Variants in NME8 observed in about 807,000 individuals in gnomAD.
The protein encoded by NME8 is NME/NM23 family member 8.
NME8 carries 72 observed loss-of-function variants against 82.3 expected under a neutral mutation model. The observed-to-expected ratio is 0.87, with a 90% confidence interval of 0.72 to 1.06. The LOEUF (loss-of-function observed/expected upper bound fraction) is 1.06. Among genes scored for constraint, NME8 ranks in the 50% least tolerant of loss-of-function variants. The pLI, the probability that NME8 is intolerant of heterozygous loss-of-function variation, is 0.00. For missense variants in NME8, 712 were observed against 685.4 expected (o/e 1.04, Z -0.43); for synonymous variants, 267 against 228.5 (o/e 1.17, Z -1.52).
At chr7:37,875,160 C>CA (rs1784828247) in intron 11 of NME8, among the ~76,000 whole-genome samples, 2 of 152,014 alleles carry the variant, frequency 1.3e-5, no homozygotes, top group Non-Finnish European at 2.9e-5. Context: ...TCATGAAAGA[C>CA]AAAAGAGGTT....
chr7:37,854,529 C>T (rs902297891), intron 5 of NME8, among the ~76,000 whole-genome samples: 1 of 152,146 alleles, frequency 6.6e-6, no homozygotes, highest in African/African-American at 2.4e-5. Context: ...TGGTACCAAT[C>T]CTTCTTCCAC....
At chr7:37,864,893 A>G (rs1443165280) in intron 9 of NME8, among the ~76,000 whole-genome samples, 1 of 152,106 alleles carries the variant, frequency 6.6e-6, no homozygotes, top group African/African-American at 2.4e-5. Context: ...ATCTCATGAG[A>G]CTCATTCACT....
At position 37,876,902 on chromosome 7, in the gene NME8, G is replaced by T; in HGVS notation, c.889G>T (p.Ala297Ser). The change falls in exon 12 of 18, where the codon GCT becomes TCT. Residue 297 changes from alanine (A) to serine (S), a missense_variant. Ala to Ser is a moderately conservative substitution (Grantham distance 99). Coordinates refer to ENST00000199447, the MANE Select transcript of NME8 (RefSeq NM_016616.5). Reference protein sequence around the residue: ...CDIEEDAANVAKFMDAFFPDF... With the variant: ...CDIEEDAANVSKFMDAFFPDF... ...CATTGAAGAGGATGCAGCTAATGTTGCTAAGTTCATGGATGCTTTCTTCCC... is the reference window on the plus strand; with the variant it reads ...CATTGAAGAGGATGCAGCTAATGTTTCTAAGTTCATGGATGCTTTCTTCCC... The T allele has an allele frequency of 1.2e-6, 2 of 1,612,818 alleles. No individual in the cohort carries two copies. Among genetic ancestry groups the T allele is most frequent in the Non-Finnish European group, 1.7e-6 (2 of 1,179,150 alleles).
At position 37,865,665 on chromosome 7, in the gene NME8, G is replaced by T. The variant is rs137894138; in HGVS notation, c.621+48G>T. 3,895 of 1,233,020 alleles carry T rather than the reference G, an allele frequency of 3.2e-3. 88 individuals are homozygous for T. In the South Asian group the frequency reaches 0.036, roughly 12 times the overall value. 76.4% of individuals were successfully genotyped at this position (1,233,020 alleles called of 1,614,324 possible). ...ATCCTCTATGTGTTTAAATACAGTG[G>T]CCTCCATAAGCTTTAAATCTTTATT... On this transcript the variant is annotated intron_variant, in intron 10 of 17. Coordinates refer to ENST00000199447, the MANE Select transcript of NME8 (RefSeq NM_016616.5).
At chr7:37,883,712 T>A (rs1411856210) in intron 12 of NME8, among the ~76,000 whole-genome samples, 1 of 152,174 alleles carries the variant, frequency 6.6e-6, no homozygotes, top group African/African-American at 2.4e-5. Flanking sequence ...GTATTTCCTA[T>A]AAATATCATT....
At position 37,897,047 on chromosome 7, in the gene NME8, A is replaced by G; in HGVS notation, c.1722A>G (p.Ala574=). ...IVHGASNAYE[A]KEVVNRLFED... ...ATGGAGCATCTAACGCCTATGAAGC[A>G]AAAGAGGTTGTTAATAGACTCTTTG... Residue 574 remains alanine (A), a synonymous_variant, in exon 17 of 18, where the codon GCA becomes GCG. Transcript: ENST00000199447. 6.2e-7 allele frequency: 1 copy of G among 1,613,934 alleles called. No homozygotes were observed. The highest frequency in any genetic ancestry group is 8.5e-7 in the Non-Finnish European group (1 of 1,179,874).
intron 11 of NME8, among the ~76,000 whole-genome samples, chr7:37,871,348 C>A (rs966285388): frequency 6.6e-6 from 1 of 152,202 alleles, no homozygotes; most frequent in African/African-American, 2.4e-5. Context: ...CATTCACATT[C>A]CAGCTTCTTT....
intron 5 of NME8, among the ~76,000 whole-genome samples, chr7:37,852,711 C>G: frequency 6.6e-6 from 1 of 152,070 alleles, no homozygotes; most frequent in East Asian, 1.9e-4. Flanking sequence ...TCTGGATATA[C>G]CAGGGTTTAT....
chr7:37,897,519 T>C (rs929522807), intron 17 of NME8, among the ~76,000 whole-genome samples: 3 of 152,190 alleles, frequency 2.0e-5, no homozygotes, highest in African/African-American at 7.2e-5. Context: ...TATCTTTATT[T>C]GTTCTAAACA....
At chr7:37,849,876 A>AG (rs1784413294) in intron 2 of NME8, among the ~76,000 whole-genome samples, 1 of 138,338 alleles carries the variant, frequency 7.2e-6, no homozygotes, top group South Asian at 2.2e-4. Context: ...TCTCAAAAAA[A>AG]AAAAAAAAAA....
Position 37,885,135 on chromosome 7 carries a change from T to C in NME8, c.1140-10T>C, listed in dbSNP as rs1530822. On this transcript the variant is annotated splice_polypyrimidine_tract_variant and intron_variant, in intron 13 of 17. Transcript: ENST00000199447. ...TCTTATTACCTCTTCTTTGTTTTCTTTTCTAATAGTGGTCCATCTCTAGCC... is the reference window on the plus strand; with the variant it reads ...TCTTATTACCTCTTCTTTGTTTTCTCTTCTAATAGTGGTCCATCTCTAGCC... The C allele has an allele frequency of 6.3e-7, 1 of 1,579,144 alleles. No homozygotes were observed. Among genetic ancestry groups the C allele is most frequent in the Non-Finnish European group, 8.7e-7 (1 of 1,149,222 alleles).
chr7:37,886,432 C>T (rs1583642587), intron 14 of NME8, among the ~76,000 whole-genome samples: 1 of 152,146 alleles, frequency 6.6e-6, no homozygotes, highest in South Asian at 2.1e-4. Context: ...AATTGATCCC[C>T]ACTTTTCCAC....
chr7:37,866,786 C>G (rs1029629719), intron 10 of NME8, among the ~76,000 whole-genome samples: 1 of 152,118 alleles, frequency 6.6e-6, no homozygotes, highest in Non-Finnish European at 1.5e-5. Flanking sequence ...CCTCAGGAGG[C>G]CCTGATGACA....
At chr7:37,857,965 G>A (rs1026590488) in intron 6 of NME8, among the ~76,000 whole-genome samples, 3 of 152,144 alleles carry the variant, frequency 2.0e-5, no homozygotes, top group African/African-American at 7.2e-5. Flanking sequence ...GGGAGGCTGA[G>A]GTGGGAGGAT....
chr7:37,873,370 A>AAAAAAAAAAAAAAAAG (rs796807809), intron 11 of NME8, among the ~76,000 whole-genome samples: 2 of 147,034 alleles, frequency 1.4e-5, no homozygotes, highest in East Asian at 2.0e-4. Flanking sequence ...AAAAAAAAAA[A>AAAAAAAAAAAAAAAAG]AAAAGAAAAG....
In NME8 at chr7:37,867,809, G is replaced by A. The variant is rs746203531; in HGVS notation, c.729G>A (p.Gln243=). The A allele has an allele frequency of 1.2e-6, 2 of 1,613,820 alleles. No homozygotes were observed. The highest frequency in any genetic ancestry group is 1.7e-6 in the Non-Finnish European group (2 of 1,179,902). ...HNPPSEETEP[Q]TDTEPNERSE... ...CTCCCTCTGAAGAAACCGAACCACA[G>A]ACTGACACCGAACCTAACGAACGAT... The change falls in exon 11 of 18, where the codon CAG becomes CAA. Residue 243 remains glutamine, a synonymous_variant. Coordinates refer to ENST00000199447, the MANE Select transcript of NME8 (RefSeq NM_016616.5).
intron 5 of NME8, among the ~76,000 whole-genome samples, chr7:37,855,176 T>C (rs1439254396): frequency 6.6e-6 from 1 of 152,150 alleles, no homozygotes; most frequent in East Asian, 1.9e-4. Flanking sequence ...CATGGGATTC[T>C]CAGTGACCAG....
chr7:37,863,511 G>T (rs760249395), intron 8 of NME8, 49 bp downstream of exon 8: 2 of 996,356 alleles, frequency 2.0e-6, no homozygotes, highest in Admixed American at 3.4e-5. Context: ...GTACGTGGGC[G>T]GTCATCACAG....
intron 12 of NME8, among the ~76,000 whole-genome samples, chr7:37,879,475 TCATTTAGCAATGTG>T (rs1157353541): frequency 6.6e-6 from 1 of 152,170 alleles, no homozygotes; most frequent in Non-Finnish European, 1.5e-5. Flanking sequence ...TTGACTTCTT[TCATTTAGCAATGTG>T]CATTTTGTGT....
Sources: gnomAD v4.1 joint callset for allele counts (sites outside exome capture counted in the v4.1 genomes callset) on GRCh38, gnomAD v4.1.1 for gene constraint, MANE v1.5 for transcripts, NCBI Gene and HGNC (gene_info 2026-07-23, HGNC 2026-07-21) for gene names.